CFAP221: variants seen among roughly 807,000 people sequenced by gnomAD.
CFAP221 encodes cilia and flagella associated protein 221.
A neutral mutation model predicts 113.1 loss-of-function variants in CFAP221; 97 were observed. The ratio of observed to expected loss-of-function variants is 0.86; its 90% CI spans 0.73 to 1.02. The LOEUF (loss-of-function observed/expected upper bound fraction) is 1.02. Ranked by LOEUF, CFAP221 falls within the 50% of genes least tolerant of loss-of-function variation. CFAP221 has a pLI of 0.00. For synonymous variants in CFAP221, 331 were observed against 354.4 expected (o/e 0.93, Z 0.74); for missense variants, 1,025 against 1,013.4 (o/e 1.01, Z -0.16).
At chr2:119,570,859 A>G (rs1368318067) in intron 6 of CFAP221, among the ~76,000 whole-genome samples, 2 of 152,182 alleles carry the variant, frequency 1.3e-5, no homozygotes, top group African/African-American at 4.8e-5. Context: ...ATATGTTTTT[A>G]TAAGGATACA....
chr2:119,557,914 G>A (rs570662787), intron 3 of CFAP221, among the ~76,000 whole-genome samples: 5 of 147,322 alleles, frequency 3.4e-5, no homozygotes, highest in African/African-American at 1.0e-4. Flanking sequence ...AGCGAAGATC[G>A]CGCCACTGCA....
intron 7 of CFAP221, among the ~76,000 whole-genome samples, chr2:119,594,154 A>G (rs1256909180): frequency 1.3e-5 from 2 of 151,928 alleles, no homozygotes; most frequent in African/African-American, 2.4e-5. Flanking sequence ...AATTCTGGTG[A>G]CTATTCCTGT....
intron 21 of CFAP221, among the ~76,000 whole-genome samples, chr2:119,641,744 A>G (rs1574217617): frequency 1.3e-5 from 2 of 152,142 alleles, no homozygotes; most frequent in South Asian, 4.1e-4. Context: ...CAGTCACTCC[A>G]TCGCCACCAG....
rs1558912456 is a variant in CFAP221, at chr2:119,559,943, C to A, written c.343C>A (p.Pro115Thr). ...TGTCTTCCAGGAACACCACCTGGTC[C>A]CTGGCTTGTCCCTCACGGTCACCGT... ...NYVRKEHHLV[P>T]GLSLTVTVTF... The change falls in exon 5 of 24, where the codon CCT becomes ACT. Residue 115 changes from proline (P) to threonine (T), a missense_variant. By Grantham distance (38) the Pro-to-Thr change is conservative. Coordinates refer to ENST00000413369, the MANE Select transcript of CFAP221 (RefSeq NM_001271049.2). The A allele has an allele frequency of 1.3e-6, 2 of 1,535,854 alleles. No individual in the cohort carries two copies. Among genetic ancestry groups the A allele is most frequent in the East Asian group, 4.9e-5 (2 of 40,906 alleles).
chr2:119,546,182 CT>C lies in CFAP221; in HGVS notation c.54del (p.Phe18LeufsTer9). The C allele has an allele frequency of 1.3e-6, 2 of 1,535,844 alleles. No individual in the cohort carries two copies. The highest frequency in any genetic ancestry group is 1.7e-6 in the Non-Finnish European group (2 of 1,146,824). ...GAGGACTAAAGAATGCTAAAGAACC[CT>C]TTAATAATGCATCACCCCATCTCTT... is the stretch of plus-strand genomic sequence containing the variant. ...SRGLKNAKEP[F>X]NNASPHLLKN... is the part of the protein sequence containing the mutation. On this transcript the variant is annotated frameshift_variant, in exon 2 of 24. Coordinates refer to ENST00000413369, the MANE Select transcript of CFAP221 (RefSeq NM_001271049.2). LOFTEE classifies it high-confidence loss of function.
chr2:119,634,682 C>A (rs1687003946), intron 19 of CFAP221, among the ~76,000 whole-genome samples: 2 of 152,122 alleles, frequency 1.3e-5, no homozygotes. Flanking sequence ...CATTGATAAA[C>A]CTTGAGGACA....
chr2:119,550,030 G>T (rs1311989027), intron 3 of CFAP221, among the ~76,000 whole-genome samples: 1 of 152,166 alleles, frequency 6.6e-6, no homozygotes, highest in Non-Finnish European at 1.5e-5. Context: ...CCCTAGTCAT[G>T]CCTGGCAGAA....
At chr2:119,630,976 C>T in intron 19 of CFAP221, 75 bp downstream of exon 19, 1 of 1,525,446 alleles carries the variant, frequency 6.6e-7, no homozygotes. Flanking sequence ...AAACAGAGCA[C>T]TCATTGGGAA....
intron 14 of CFAP221, among the ~76,000 whole-genome samples, chr2:119,623,700 C>T (rs1558971963): frequency 6.6e-6 from 1 of 152,268 alleles, no homozygotes; most frequent in East Asian, 1.9e-4. Context: ...ACAGAAGCCT[C>T]AGAAATTATG....
At chr2:119,627,936 AG>A (rs1574176242) in intron 16 of CFAP221, 150 bp downstream of exon 16, 1 of 1,126,280 alleles carries the variant, frequency 8.9e-7, no homozygotes, top group African/African-American at 1.6e-5. Context: ...GTGGAAAACC[AG>A]GGATCATCTC....
At chr2:119,655,139 A>G (rs1688355465) in intron 23 of CFAP221, among the ~76,000 whole-genome samples, 1 of 152,186 alleles carries the variant, frequency 6.6e-6, no homozygotes, top group Non-Finnish European at 1.5e-5. Context: ...ATTTATTTTC[A>G]TGGATGCAAA....
At chr2:119,643,630 C>T (rs905191795) in intron 21 of CFAP221, among the ~76,000 whole-genome samples, 5 of 152,198 alleles carry the variant, frequency 3.3e-5, no homozygotes, top group African/African-American at 1.2e-4. Context: ...CTGCAACCTC[C>T]GCCTCCCAGG....
Position 119,613,856 on chromosome 2 carries a change from A to G in CFAP221, c.1312-1755A>G, listed in dbSNP as rs560169579. On this transcript the variant is annotated intron_variant, in intron 13 of 23. Coordinates refer to ENST00000413369, the MANE Select transcript of CFAP221 (RefSeq NM_001271049.2). ...AAAATGGATTTTTCTTTTCTATTAC[A>G]TCATCATGCTGCTAATTTTCCAAAC... is the stretch of plus-strand genomic sequence containing the variant. 1.5e-4 allele frequency among the ~76,000 whole-genome samples: 23 copies of G among 152,300 alleles called. 1 individual carries two copies. In the South Asian group the frequency reaches 4.4e-3, roughly 29 times the overall value.
At chr2:119,604,484 T>A (rs557013117) in intron 8 of CFAP221, among the ~76,000 whole-genome samples, 188 bp from the exon 9 acceptor site, 23 of 152,174 alleles carry the variant, frequency 1.5e-4, no homozygotes, top group African/African-American at 5.5e-4. Flanking sequence ...AATTTTGATA[T>A]CGCTGATTAT....
chr2:119,640,274 A>C (rs1169751006), intron 21 of CFAP221, among the ~76,000 whole-genome samples: 1 of 151,952 alleles, frequency 6.6e-6, no homozygotes, highest in Non-Finnish European at 1.5e-5. Context: ...CAGTCTCTGT[A>C]TCCAGTTCCA....
At chr2:119,598,231 C>T (rs1182213591) in intron 7 of CFAP221, among the ~76,000 whole-genome samples, 1 of 152,178 alleles carries the variant, frequency 6.6e-6, no homozygotes, top group Non-Finnish European at 1.5e-5. Flanking sequence ...GTTCCCCATC[C>T]TGGGCCTCAC....
At chr2:119,596,318 C>T (rs1162775232) in intron 7 of CFAP221, among the ~76,000 whole-genome samples, 1 of 152,182 alleles carries the variant, frequency 6.6e-6, no homozygotes, top group African/African-American at 2.4e-5. Context: ...TCCTGCAGCT[C>T]CTAGAGCAGG....
intron 3 of CFAP221, among the ~76,000 whole-genome samples, chr2:119,552,071 T>C (rs939837137): frequency 9.3e-5 from 14 of 150,960 alleles, no homozygotes; most frequent in Non-Finnish European, 1.8e-4. Flanking sequence ...TTAGAGTTAA[T>C]AATGAACTGG....
At chr2:119,653,813 CT>C (rs908994722) in intron 23 of CFAP221, among the ~76,000 whole-genome samples, 2 of 151,276 alleles carry the variant, frequency 1.3e-5, no homozygotes, top group African/African-American at 2.4e-5. Flanking sequence ...ATAGTGTCAT[CT>C]TTTTTTTTCA....
Sources: gnomAD v4.1 joint callset for allele counts (sites outside exome capture counted in the v4.1 genomes callset) on GRCh38, gnomAD v4.1.1 for gene constraint, MANE v1.5 for transcripts, NCBI Gene and HGNC (gene_info 2026-07-23, HGNC 2026-07-21) for gene names.